The following TMEM165 variants were observed in gnomAD, a reference collection of about 807,000 sequenced individuals.
TMEM165 encodes the protein transmembrane protein 165, also known as putative divalent cation/proton antiporter TMEM165.
A neutral mutation model predicts 30.0 loss-of-function variants in TMEM165; 19 were observed. That is an observed-to-expected ratio of 0.63 (90% CI 0.44 to 0.93). The LOEUF is 0.93. Ranked by LOEUF, TMEM165 falls within the 40% of genes least tolerant of loss-of-function variation. TMEM165 has a pLI of 0.00. For synonymous variants in TMEM165, 168 were observed against 162.9 expected, an observed-to-expected ratio of 1.03 and a Z score of -0.24; for missense variants, 340 against 417.0, an observed-to-expected ratio of 0.82 and a Z score of 1.61.
intron 3 of TMEM165, chr4:55,444,740 G>A: frequency 6.2e-7 from 1 of 1,613,964 alleles, no homozygotes; most frequent in Non-Finnish European, 8.5e-7. Flanking sequence ...TGTTCCAATT[G>A]GTCTTTCAGA....
At chr4:55,448,755 A>G (rs755669192) in intron 3 of TMEM165, 1 of 1,584,398 alleles carries the variant, frequency 6.3e-7, no homozygotes, top group South Asian at 1.1e-5. Flanking sequence ...CAAATACGCA[A>G]CTGAAACAAA....
intron 3 of TMEM165, among the ~76,000 whole-genome samples, chr4:55,448,601 C>CGCGCGTGTGTGTGTGTGT (rs764071880): frequency 5.1e-5 from 6 of 116,980 alleles, no homozygotes; most frequent in Admixed American, 1.7e-4. Flanking sequence ...CGCACGCGCG[C>CGCGCGTGTGTGTGTGTGT]GTGTGTGTGT....
chr4:55,449,550 A>G, intron 3 of TMEM165: 1 of 1,404,232 alleles, frequency 7.1e-7, no homozygotes, highest in Non-Finnish European at 1.0e-6. Context: ...ATAGTTTTTA[A>G]AGATTAATCT....
intron 1 of TMEM165, among the ~76,000 whole-genome samples, chr4:55,409,832 C>G (rs932550496): frequency 6.6e-6 from 1 of 152,208 alleles, no homozygotes; most frequent in Non-Finnish European, 1.5e-5. Flanking sequence ...TCTTTGGAGA[C>G]AGAAATCTCT....
At position 55,416,823 on chromosome 4, in the gene TMEM165, AGGAAGATGTGCCATCTTCAACT is replaced by A. The variant is rs574635949; in HGVS notation, c.434-245_434-224del. 604 of 331,340 alleles carry A rather than the reference AGGAAGATGTGCCATCTTCAACT, an allele frequency of 1.8e-3. 10 individuals carry two copies. In the East Asian group the frequency reaches 0.031, roughly 17 times the overall value. The allele number at this position is 331,340 out of a possible 1,614,324, so 20.5% of individuals were successfully genotyped here. A position where few individuals can be genotyped will look rare whatever the true frequency, so the allele number is the denominator to read the frequency against. The stretch of plus-strand genomic sequence containing the variant: ...TTCAATATCTTACTTAACATCTCTC[AGGAAGATGTGCCATCTTCAACT>A]GGACCATTGGCTTCTGAGTAAGCTG... On this transcript the variant is annotated intron_variant, in intron 2 of 5. Transcript: ENST00000381334.
At chr4:55,448,688 C>G in intron 3 of TMEM165, 2 of 922,896 alleles carry the variant, frequency 2.2e-6, no homozygotes, top group Non-Finnish European at 3.3e-6. Context: ...CAGGTGCTTG[C>G]CAGCAAGCCT....
intron 3 of TMEM165, chr4:55,444,579 A>G (rs1402472428): frequency 1.2e-6 from 2 of 1,610,666 alleles, no homozygotes; most frequent in Non-Finnish European, 1.7e-6. Context: ...TAATTTTCCT[A>G]GAAATCCAAA....
downstream of TMEM165, chr4:55,430,532 G>A (rs1367526134): frequency 6.6e-6 from 1 of 152,138 alleles, no homozygotes; most frequent in Non-Finnish European, 1.5e-5. Context: ...CATCCCCAGT[G>A]TTTCCACAGG....
chr4:55,429,147 C>T (rs978107717), downstream of TMEM165: 1 of 152,050 alleles, frequency 6.6e-6, no homozygotes, highest in East Asian at 1.9e-4. Context: ...CTCAAAAACA[C>T]ACATTATAAA....
At chr4:55,419,487 G>T (rs1721877316) in intron 4 of TMEM165, among the ~76,000 whole-genome samples, 1 of 152,126 alleles carries the variant, frequency 6.6e-6, no homozygotes, top group African/African-American at 2.4e-5. Flanking sequence ...CTTCTTCACA[G>T]TTGTTCAATG....
chr4:55,416,401 T>G (rs1015399460), intron 2 of TMEM165, among the ~76,000 whole-genome samples: 6 of 152,164 alleles, frequency 3.9e-5, no homozygotes, highest in Non-Finnish European at 7.3e-5. Context: ...AGGATTTGAG[T>G]TCTTGATATA....
chr4:55,411,427 A>G (rs1487647005), intron 1 of TMEM165, among the ~76,000 whole-genome samples, 187 bp from the exon 2 acceptor site: 1 of 152,178 alleles, frequency 6.6e-6, no homozygotes, highest in Non-Finnish European at 1.5e-5. Flanking sequence ...CAGGTAAGGG[A>G]TACTCAAATT....
intron 3 of TMEM165, among the ~76,000 whole-genome samples, chr4:55,445,511 G>GTTCC (rs1723735530): frequency 2.7e-5 from 4 of 149,804 alleles, no homozygotes. Flanking sequence ...TTCTAAGTAT[G>GTTCC]TTCCTTCCTT....
intron 1 of TMEM165, chr4:55,403,433 CCTTCT>C: frequency 3.7e-6 from 2 of 538,788 alleles, no homozygotes; most frequent in South Asian, 3.2e-5. Context: ...TCTTTTTCTT[CCTTCT>C]CTTGAGGATC....
At position 55,417,130 on chromosome 4, in the gene TMEM165, T is replaced by C; in HGVS notation, c.492T>C (p.Thr164=). Residue 164 remains threonine (T), a synonymous_variant, in exon 3 of 6, where the codon ACT becomes ACC. Coordinates refer to ENST00000381334, the MANE Select transcript of TMEM165 (RefSeq NM_018475.5). ...IPRVYTYYVS[T]VLFAIFGIRM... ...GGGTCTATACATACTATGTTTCAAC[T>C]GTATTATTTGCCATTTTTGGCATTA... The C allele has an allele frequency of 6.2e-7, 1 of 1,614,110 alleles. No individual in the cohort carries two copies. Among genetic ancestry groups the C allele is most frequent in the Middle Eastern group, 1.6e-4 (1 of 6,062 alleles).
intron 4 of TMEM165, among the ~76,000 whole-genome samples, chr4:55,420,098 G>GGAAAAAA (rs1553886879): frequency 4.6e-5 from 2 of 43,752 alleles, no homozygotes; most frequent in Non-Finnish European, 5.2e-5. Context: ...ACTATCTTAA[G>GGAAAAAA]AAAAAAAAAT....
intron 3 of TMEM165, among the ~76,000 whole-genome samples, chr4:55,439,386 A>C (rs2109656157): frequency 6.6e-6 from 1 of 152,292 alleles, no homozygotes; most frequent in African/African-American, 2.4e-5. Context: ...GTTGGCAAGC[A>C]AGTAGAGAAA....
In TMEM165 at chr4:55,425,024, A is replaced by T. The variant is rs1398912167; in HGVS notation, c.899-352A>T. ...TGTGAAGCCACAGTTAGGTCTAGAG[A>T]TGGAAGAATCGTCTCTTTGCTAGTC... On this transcript the variant is annotated intron_variant, in intron 5 of 5. Coordinates refer to ENST00000381334, the MANE Select transcript of TMEM165 (RefSeq NM_018475.5). Among the ~76,000 whole-genome samples, 3 of 152,230 alleles carry T rather than the reference A, an allele frequency of 2.0e-5. No individual in the cohort carries two copies. In the East Asian group the frequency reaches 5.8e-4, roughly 29 times the overall value.
At chr4:55,428,382 T>C (rs1276120604), downstream of TMEM165, 1 of 152,238 alleles carries the variant, frequency 6.6e-6, no homozygotes, top group Non-Finnish European at 1.5e-5. Context: ...TATACAATAT[T>C]GTATTTCCAA....
Sources: gnomAD v4.1 joint callset for allele counts (sites outside exome capture counted in the v4.1 genomes callset) on GRCh38, gnomAD v4.1.1 for gene constraint, MANE v1.5 for transcripts, NCBI Gene and HGNC (gene_info 2026-07-23, HGNC 2026-07-21) for gene names.